The following CAMK1D variants were observed in gnomAD, a reference collection of about 807,000 sequenced individuals.
CAMK1D encodes calcium/calmodulin-dependent protein kinase type 1D.
CAMK1D carries 9 observed loss-of-function variants against 47.7 expected under a neutral mutation model. That is an observed-to-expected ratio of 0.19 (90% CI 0.11 to 0.33). The LOEUF (loss-of-function observed/expected upper bound fraction) is 0.33. Ranked by LOEUF, CAMK1D falls within the 10% of genes least tolerant of loss-of-function variation. The pLI is 1.00. For synonymous variants in CAMK1D, 184 were observed against 184.9 expected, an observed-to-expected ratio of 0.99 and a Z score of 0.04; for missense variants, 291 against 488.7, an observed-to-expected ratio of 0.60 and a Z score of 3.81.
At chr10:12,547,682 T>A (rs72769694) in intron 1 of CAMK1D, among the ~76,000 whole-genome samples, 205 of 116,572 alleles carry the variant, frequency 1.8e-3, no homozygotes, top group South Asian at 0.011. Flanking sequence ...TTTCTCTCTC[T>A]CACACACACA....
chr10:12,428,046 T>TCTGGGC (rs1348120551), intron 1 of CAMK1D, among the ~76,000 whole-genome samples: 3 of 152,094 alleles, frequency 2.0e-5, no homozygotes, highest in Non-Finnish European at 4.4e-5. Context: ...TACTTTAAGT[T>TCTGGGC]CTGGGATACA....
At chr10:12,693,622 A>T (rs1052950774) in intron 3 of CAMK1D, among the ~76,000 whole-genome samples, 1 of 151,276 alleles carries the variant, frequency 6.6e-6, no homozygotes, top group Non-Finnish European at 1.5e-5. Flanking sequence ...AAGGGGTGAG[A>T]CCCTGTCCCC....
At chr10:12,813,376 A>G (rs1447040647) in intron 6 of CAMK1D, among the ~76,000 whole-genome samples, 3 of 151,992 alleles carry the variant, frequency 2.0e-5, no homozygotes, top group Non-Finnish European at 2.9e-5. Context: ...ATAAAATTTC[A>G]TTTTCTTCCT....
At chr10:12,820,132 C>T (rs1426237374) in intron 8 of CAMK1D, among the ~76,000 whole-genome samples, 2 of 152,140 alleles carry the variant, frequency 1.3e-5, no homozygotes, top group African/African-American at 2.4e-5. Flanking sequence ...CTCCGCTTCC[C>T]GGGTTCAAAC....
chr10:12,492,952 G>A lies in CAMK1D; in HGVS notation c.93-60273G>A, dbSNP rs534511482. ...ACTCCCTCTGTCTCTGGCTGATGGT[G>A]GATGCCCGGCTTCCCTGGCTCCGCT... On this transcript the variant is annotated intron_variant, in intron 1 of 10. Coordinates refer to ENST00000619168, the MANE Select transcript of CAMK1D (RefSeq NM_153498.4). Among the ~76,000 whole-genome samples, 5 of 152,314 alleles carry A rather than the reference G, an allele frequency of 3.3e-5. No homozygotes were observed. The South Asian group carries it at 8.3e-4, about 25-fold the overall frequency.
intron 1 of CAMK1D, among the ~76,000 whole-genome samples, chr10:12,535,020 G>A (rs985050055): frequency 6.6e-6 from 1 of 152,186 alleles, no homozygotes; most frequent in Non-Finnish European, 1.5e-5. Flanking sequence ...CAGGTTTGGT[G>A]AGCAGCTAGC....
intron 2 of CAMK1D, among the ~76,000 whole-genome samples, chr10:12,628,189 A>G (rs535915068): frequency 6.6e-6 from 1 of 152,248 alleles, no homozygotes; most frequent in East Asian, 1.9e-4. Context: ...GTGTAGACCT[A>G]TGTTTTCATT....
At chr10:12,396,783 C>T (rs886403306) in intron 1 of CAMK1D, among the ~76,000 whole-genome samples, 1 of 152,152 alleles carries the variant, frequency 6.6e-6, no homozygotes, top group Non-Finnish European at 1.5e-5. Context: ...GTAGGCTCCC[C>T]GTGGCCATGT....
intron 3 of CAMK1D, among the ~76,000 whole-genome samples, chr10:12,741,453 C>T (rs1314173700): frequency 6.6e-6 from 1 of 152,228 alleles, no homozygotes. Flanking sequence ...CGAGGGCCGC[C>T]CTCTTGGCTT....
intron 1 of CAMK1D, among the ~76,000 whole-genome samples, chr10:12,545,147 A>T (rs925749119): frequency 6.6e-6 from 1 of 152,144 alleles, no homozygotes; most frequent in Admixed American, 6.5e-5. Context: ...TGTACATGGG[A>T]TAGGTAATGT....
At chr10:12,466,161 T>C (rs893850680) in intron 1 of CAMK1D, among the ~76,000 whole-genome samples, 3 of 151,040 alleles carry the variant, frequency 2.0e-5, no homozygotes, top group Admixed American at 2.0e-4. Context: ...CGAAAAAAAA[T>C]TTTAGGGAGA....
chr10:12,549,973 G>T (rs1345448817), intron 1 of CAMK1D, among the ~76,000 whole-genome samples: 2 of 152,180 alleles, frequency 1.3e-5, no homozygotes, highest in Non-Finnish European at 2.9e-5. Context: ...GCTTCCAAGG[G>T]TCCGATTGAG....
intron 2 of CAMK1D, among the ~76,000 whole-genome samples, chr10:12,645,984 T>C (rs1420261275): frequency 2.0e-5 from 3 of 152,092 alleles, no homozygotes; most frequent in East Asian, 3.8e-4. Flanking sequence ...TTTTTTTTTT[T>C]TTAAGTAACT....
At position 12,611,609 on chromosome 10, in the gene CAMK1D, T is replaced by TTTTTTTTTTTTTTTTTTTTTTTG. The variant is rs1554796845; in HGVS notation, c.225-55127_225-55126insTTTTTTTTTTTTTTTTTTTTTTG. 4.0e-5 allele frequency among the ~76,000 whole-genome samples: 5 copies of TTTTTTTTTTTTTTTTTTTTTTTG among 124,768 alleles called. 1 individual carries two copies. Among genetic ancestry groups the TTTTTTTTTTTTTTTTTTTTTTTG allele is most frequent in the East Asian group, 2.4e-4 (1 of 4,092 alleles). The allele number at this position is 124,768 out of a possible 152,430, so 81.9% of individuals were successfully genotyped here. ...ATGCCTTTTTTTTTTTTTTTTTTTT[T>TTTTTTTTTTTTTTTTTTTTTTTG]GAGACAGAGTCTTACTCTGTCTCCC... is the stretch of plus-strand genomic sequence containing the variant. On this transcript the variant is annotated intron_variant, in intron 2 of 10. Coordinates refer to ENST00000619168, the MANE Select transcript of CAMK1D (RefSeq NM_153498.4).
intron 2 of CAMK1D, among the ~76,000 whole-genome samples, chr10:12,571,551 C>T (rs957090452): frequency 6.6e-6 from 1 of 152,094 alleles, no homozygotes; most frequent in South Asian, 2.1e-4. Flanking sequence ...GCTGGATCCC[C>T]CGGTGATGCA....
chr10:12,809,669 A>G (rs573676731), intron 6 of CAMK1D, among the ~76,000 whole-genome samples: 71 of 152,362 alleles, frequency 4.7e-4, no homozygotes, highest in African/African-American at 1.6e-3. Context: ...CACTTATACA[A>G]AGTATCTAGA....
chr10:12,615,426 CTGAG>C (rs892084199), intron 2 of CAMK1D, among the ~76,000 whole-genome samples: 4 of 151,920 alleles, frequency 2.6e-5, no homozygotes, highest in African/African-American at 4.8e-5. Flanking sequence ...CTTAGGGAGT[CTGAG>C]TGTGTGAGTG....
At chr10:12,543,084 G>A (rs1043924788) in intron 1 of CAMK1D, among the ~76,000 whole-genome samples, 2 of 152,140 alleles carry the variant, frequency 1.3e-5, no homozygotes, top group Admixed American at 1.3e-4. Context: ...GTCTTGCTCT[G>A]TCACCCAGGC....
At chr10:12,477,459 A>G (rs1588531589) in intron 1 of CAMK1D, among the ~76,000 whole-genome samples, 6 of 152,314 alleles carry the variant, frequency 3.9e-5, no homozygotes, top group Admixed American at 3.9e-4. Flanking sequence ...TCCTGTGTCC[A>G]TCTGAGATGA....
Sources: gnomAD v4.1 joint callset for allele counts (sites outside exome capture counted in the v4.1 genomes callset) on GRCh38, gnomAD v4.1.1 for gene constraint, MANE v1.5 for transcripts, NCBI Gene and HGNC (gene_info 2026-07-23, HGNC 2026-07-21) for gene names.